The following UNC13C variants were observed in gnomAD, a reference collection of about 807,000 sequenced individuals.
UNC13C encodes protein unc-13 homolog C.
In UNC13C, 174 loss-of-function variants were observed where a neutral mutation model predicts 245.4. The ratio of observed to expected loss-of-function variants is 0.71; its 90% CI spans 0.63 to 0.80. UNC13C has a LOEUF of 0.80. Ranked by LOEUF, UNC13C falls within the 30% of genes least tolerant of loss-of-function variation. UNC13C has a pLI of 0.00. For missense variants in UNC13C, 2,829 were observed against 2,602.9 expected, an observed-to-expected ratio of 1.09 and a Z score of -1.89; for synonymous variants, 992 against 895.1, an observed-to-expected ratio of 1.11 and a Z score of -1.93.
intron 30 of UNC13C, among the ~76,000 whole-genome samples, chr15:54,619,576 T>C (rs1900666542): frequency 6.6e-6 from 1 of 152,200 alleles, no homozygotes. Flanking sequence ...ATGTATCTGC[T>C]ATCCACACAG....
chr15:54,523,721 C>A (rs889273209), intron 24 of UNC13C, among the ~76,000 whole-genome samples: 1 of 152,048 alleles, frequency 6.6e-6, no homozygotes, highest in Non-Finnish European at 1.5e-5. Context: ...AATATGGAAA[C>A]CAAAACACAT....
At chr15:54,027,979 T>C (rs1350315275) in intron 2 of UNC13C, among the ~76,000 whole-genome samples, 2 of 152,144 alleles carry the variant, frequency 1.3e-5, no homozygotes, top group African/African-American at 4.8e-5. Context: ...TGGAAATGCC[T>C]GCCCAGAACT....
chr15:54,297,867 G>A lies in UNC13C; in HGVS notation c.4045G>A (p.Glu1349Lys). The change falls in exon 12 of 33, where the codon GAG becomes AAG. Residue 1349 changes from glutamate (E) to lysine (K), a missense_variant. By Grantham distance (56) the Glu-to-Lys change is moderately conservative. Transcript: ENST00000260323. ...GGCCATACGATTGAAAATCAATGTG[G>A]AGATAAAAGGAGAAGAGAAGGTTGC... is the stretch of plus-strand genomic sequence containing the variant. ...SGAIRLKINV[E>K]IKGEEKVAPY... 2 of 1,610,934 alleles carry A rather than the reference G, an allele frequency of 1.2e-6. No individual in the cohort carries two copies. Among genetic ancestry groups the A allele is most frequent in the Non-Finnish European group, 1.7e-6 (2 of 1,178,558 alleles).
rs528685610 is a variant in UNC13C, at chr15:54,382,423, C to T, written c.4714-10625C>T. On this transcript the variant is annotated intron_variant, in intron 17 of 32. Transcript: ENST00000260323. ...GGGCAACATGGCAAAACTCCATCTC[C>T]GCAAAACGTACAAAAATTATCCTAG... is the stretch of plus-strand genomic sequence containing the variant. Among the ~76,000 whole-genome samples the T allele has an allele frequency of 1.6e-4, 24 of 151,928 alleles. No individual in the cohort carries two copies. In the South Asian group the frequency reaches 1.7e-3, roughly 11 times the overall value.
chr15:54,583,315 G>A (rs1898293279), intron 30 of UNC13C, among the ~76,000 whole-genome samples: 2 of 152,044 alleles, frequency 1.3e-5, no homozygotes, highest in African/African-American at 4.8e-5. Flanking sequence ...TTTTCCAAAT[G>A]AGAGCATGTG....
intron 2 of UNC13C, among the ~76,000 whole-genome samples, chr15:54,079,081 T>A (rs1383032927): frequency 6.7e-6 from 1 of 149,284 alleles, no homozygotes; most frequent in Non-Finnish European, 1.5e-5. Context: ...CCTCTCTCTT[T>A]GTCTATTTTT....
At position 54,129,877 on chromosome 15, in the gene UNC13C, A is replaced by G. The variant is rs1415561333; in HGVS notation, c.2984-13141A>G. ...ACTCATTTTTCCATGTCATAAGTTT[A>G]CGTTATTGTCTTTTTTTTTGTACTT... On this transcript the variant is annotated intron_variant, in intron 2 of 32. Transcript: ENST00000260323. Among the ~76,000 whole-genome samples, 5 of 127,856 alleles carry G rather than the reference A, an allele frequency of 3.9e-5. No homozygotes were observed. The East Asian group carries it at 1.1e-3, about 29-fold the overall frequency. The allele number at this position is 127,856 out of a possible 152,430, so 83.9% of individuals were successfully genotyped here. A position where few individuals can be genotyped will look rare whatever the true frequency, so the allele number is the denominator to read the frequency against.
In UNC13C at chr15:54,559,746, G is replaced by C. The variant is rs370817010; in HGVS notation, c.5958+4234G>C. On this transcript the variant is annotated intron_variant, in intron 29 of 32. Coordinates refer to ENST00000260323, the MANE Select transcript of UNC13C (RefSeq NM_001080534.3). ...AAGAGGGAAAAAACAATGGGAGAAA[G>C]ACATTGCAGGCCTATAGAAAACACA... Among the ~76,000 whole-genome samples the C allele has an allele frequency of 4.6e-5, 7 of 152,032 alleles. No individual in the cohort carries two copies. In the South Asian group the frequency reaches 6.2e-4, roughly 13 times the overall value.
intron 30 of UNC13C, among the ~76,000 whole-genome samples, chr15:54,580,745 G>T (rs574842284): frequency 1.3e-5 from 2 of 152,084 alleles, no homozygotes; most frequent in Non-Finnish European, 2.9e-5. Context: ...TGACTCTTTC[G>T]TTTACAAAAC....
rs796253169 is a variant in UNC13C at position 54,140,604 on chromosome 15, C to G, written c.2984-2414C>G. Among the ~76,000 whole-genome samples, 5 of 152,316 alleles carry G rather than the reference C, an allele frequency of 3.3e-5. No individual in the cohort carries two copies. The East Asian group carries it at 5.8e-4, about 18-fold the overall frequency. On this transcript the variant is annotated intron_variant, in intron 2 of 32. Transcript: ENST00000260323. Reference sequence around the variant, plus strand: ...TGCTTCAGCTAGGTTTGGGACATAACAGGCAGTCAGCTCCATGAGGATGGA... The same window carrying G: ...TGCTTCAGCTAGGTTTGGGACATAAGAGGCAGTCAGCTCCATGAGGATGGA...
intron 30 of UNC13C, among the ~76,000 whole-genome samples, chr15:54,620,028 T>A (rs1900696315): frequency 1.3e-5 from 2 of 152,192 alleles, no homozygotes; most frequent in African/African-American, 4.8e-5. Flanking sequence ...AGAAAATTTA[T>A]GTTCCTCATT....
chr15:54,212,510 G>T (rs546794337), intron 4 of UNC13C, among the ~76,000 whole-genome samples: 28 of 151,746 alleles, frequency 1.8e-4, no homozygotes, highest in Admixed American at 2.0e-4. Flanking sequence ...TGTGGGATCT[G>T]GGAAGAATAA....
intron 2 of UNC13C, among the ~76,000 whole-genome samples, chr15:54,065,211 C>T (rs1898021021): frequency 1.3e-5 from 2 of 152,118 alleles, no homozygotes; most frequent in Admixed American, 6.6e-5. Flanking sequence ...AGGGGCCCAC[C>T]TCTCTGTTGG....
intron 17 of UNC13C, among the ~76,000 whole-genome samples, chr15:54,382,653 C>T (rs1046603747): frequency 6.6e-6 from 1 of 150,640 alleles, no homozygotes; most frequent in African/African-American, 2.4e-5. Context: ...CTTCAAGCAA[C>T]TAGAAAAGCA....
At chr15:53,963,984 G>A in the UNC13C span, among the ~76,000 whole-genome samples, 1 of 152,140 alleles carries the variant, frequency 6.6e-6, no homozygotes, top group African/African-American at 2.4e-5. Context: ...AGGATTTGGG[G>A]AAGAACACAT....
At chr15:53,867,279 A>G in the UNC13C span, among the ~76,000 whole-genome samples, 1 of 152,228 alleles carries the variant, frequency 6.6e-6, no homozygotes, top group Non-Finnish European at 1.5e-5. Flanking sequence ...GCAATGAACA[A>G]TAAACATGAG....
chr15:53,924,779 A>G, the UNC13C span, among the ~76,000 whole-genome samples: 1 of 152,224 alleles, frequency 6.6e-6, no homozygotes, highest in Non-Finnish European at 1.5e-5. Context: ...TGAACACTGA[A>G]TCATTTTGAA....
In UNC13C at chr15:54,455,171, C is replaced by CTCTCTCTCTCTCTCTCTCTA. The variant is rs1317090428; in HGVS notation, c.4934-39418_4934-39417insATCTCTCTCTCTCTCTCTCT. Among the ~76,000 whole-genome samples, 147 of 25,478 alleles carry CTCTCTCTCTCTCTCTCTCTA rather than the reference C, an allele frequency of 5.8e-3. 21 individuals are homozygous for CTCTCTCTCTCTCTCTCTCTA. The highest frequency in any genetic ancestry group is 0.011 in the South Asian group (4 of 354). The allele number at this position is 25,478 out of a possible 152,430, so 16.7% of individuals were successfully genotyped here. A position where few individuals can be genotyped will look rare whatever the true frequency, so the allele number is the denominator to read the frequency against. ...CTATGGCTGAGTCATATTCCTCTCT[C>CTCTCTCTCTCTCTCTCTCTA]TCTCTCTCTCTCTCTCTCTCTCTCT... On this transcript the variant is annotated intron_variant, in intron 19 of 32. Coordinates refer to ENST00000260323, the MANE Select transcript of UNC13C (RefSeq NM_001080534.3).
chr15:53,954,974 T>G, the UNC13C span, among the ~76,000 whole-genome samples: 2 of 152,136 alleles, frequency 1.3e-5, no homozygotes, highest in Admixed American at 6.6e-5. Context: ...CCAGCTATAA[T>G]GCTAAGAAAT....
Sources: gnomAD v4.1 joint callset for allele counts (sites outside exome capture counted in the v4.1 genomes callset) on GRCh38, gnomAD v4.1.1 for gene constraint, MANE v1.5 for transcripts, NCBI Gene and HGNC (gene_info 2026-07-23, HGNC 2026-07-21) for gene names.